Variants in GNAQ observed in about 807,000 individuals in gnomAD.
GNAQ encodes the protein G protein subunit alpha q, also known as guanine nucleotide-binding protein G(q) subunit alpha.
In GNAQ, 8 loss-of-function variants were observed where a neutral mutation model predicts 43.9. That is an observed-to-expected ratio of 0.18 (90% CI 0.11 to 0.33). The LOEUF is 0.33. GNAQ is among the 10% of genes least tolerant of loss of function. The pLI, the probability that GNAQ is intolerant of heterozygous loss-of-function variation, is 1.00. For synonymous variants in GNAQ, 155 were observed against 170.7 expected (o/e 0.91, Z 0.71); for missense variants, 158 against 450.8 (o/e 0.35, Z 5.88).
At chr9:77,819,215 T>C (rs1284299572) in intron 2 of GNAQ, among the ~76,000 whole-genome samples, 1 of 152,148 alleles carries the variant, frequency 6.6e-6, no homozygotes, top group Admixed American at 6.5e-5. Flanking sequence ...GTAGCTACTC[T>C]CAGGAACTCT....
chr9:77,915,063 G>A (rs924847610), intron 2 of GNAQ, among the ~76,000 whole-genome samples: 8 of 152,160 alleles, frequency 5.3e-5, no homozygotes, highest in Non-Finnish European at 1.2e-4. Context: ...CTTTTTTAGA[G>A]TTTCAGAATG....
At chr9:77,956,927 G>A (rs1316452654) in intron 1 of GNAQ, among the ~76,000 whole-genome samples, 1 of 152,190 alleles carries the variant, frequency 6.6e-6, no homozygotes, top group Non-Finnish European at 1.5e-5. Flanking sequence ...ATAGTAATGT[G>A]TCTAGGTGAT....
In GNAQ at chr9:77,728,669, T is replaced by TG. The variant is rs757232284; in HGVS notation, c.736-3dup. The TG allele has an allele frequency of 1.7e-4, 241 of 1,457,866 alleles. No homozygotes were observed. Among genetic ancestry groups the TG allele is most frequent in the Non-Finnish European group, 1.9e-4 (208 of 1,090,880 alleles). 90.3% of individuals were successfully genotyped at this position (1,457,866 alleles called of 1,614,324 possible). On this transcript the variant is annotated splice_polypyrimidine_tract_variant and splice_region_variant and intron_variant, in intron 5 of 6. Transcript: ENST00000286548. ...AGCCTTGCTTTCCTCCATTCGGTTC[T>TG]GGAAAAAAAAAAAAAATCAGAAAAA... is the stretch of plus-strand genomic sequence containing the variant.
chr9:77,888,417 C>G (rs927256021), intron 2 of GNAQ, among the ~76,000 whole-genome samples: 2 of 152,092 alleles, frequency 1.3e-5, no homozygotes, highest in African/African-American at 4.8e-5. Context: ...GAGAAAACAT[C>G]TAAATAGGAA....
At chr9:77,942,273 C>G (rs988211798) in intron 1 of GNAQ, among the ~76,000 whole-genome samples, 4 of 151,940 alleles carry the variant, frequency 2.6e-5, no homozygotes, top group African/African-American at 9.7e-5. Flanking sequence ...CTAAGACCAG[C>G]CTTGTGAAGA....
chr9:77,855,212 G>A (rs1334303508), intron 2 of GNAQ, among the ~76,000 whole-genome samples: 1 of 152,154 alleles, frequency 6.6e-6, no homozygotes, highest in Admixed American at 6.5e-5. Flanking sequence ...GAGGAGACAT[G>A]AAAATTGGTG....
At chr9:77,737,246 A>G (rs561880493) in intron 5 of GNAQ, among the ~76,000 whole-genome samples, 15 of 152,342 alleles carry the variant, frequency 9.8e-5, no homozygotes, top group African/African-American at 3.6e-4. Context: ...TCTCTGATGT[A>G]ATGTCTGATG....
intron 5 of GNAQ, among the ~76,000 whole-genome samples, chr9:77,759,934 T>C (rs1418314093): frequency 6.8e-6 from 1 of 147,998 alleles, no homozygotes; most frequent in African/African-American, 2.5e-5. Context: ...TTTCTTTTTC[T>C]TTTTTTTTTG....
chr9:77,830,014 A>C (rs1051641453), intron 2 of GNAQ, among the ~76,000 whole-genome samples: 1 of 152,058 alleles, frequency 6.6e-6, no homozygotes. Flanking sequence ...AGTACAGGGC[A>C]CGATCATAGC....
chr9:77,769,127 G>A (rs1452169076), intron 5 of GNAQ, among the ~76,000 whole-genome samples: 1 of 152,174 alleles, frequency 6.6e-6, no homozygotes, highest in Non-Finnish European at 1.5e-5. Flanking sequence ...TCGGCCTGGT[G>A]CGGTGACTGC....
chr9:77,983,738 A>T (rs1823397705), intron 1 of GNAQ, among the ~76,000 whole-genome samples: 1 of 152,116 alleles, frequency 6.6e-6, no homozygotes, highest in African/African-American at 2.4e-5. Flanking sequence ...TCACTAGCAG[A>T]TCTAGTCTTG....
At chr9:77,876,163 G>A (rs1400152385) in intron 2 of GNAQ, among the ~76,000 whole-genome samples, 1 of 152,228 alleles carries the variant, frequency 6.6e-6, no homozygotes, top group East Asian at 1.9e-4. Context: ...AAAAGAACTG[G>A]CACCAGGATT....
rs959753151 is a variant in GNAQ, at chr9:77,895,824, T to G, written c.321+26337A>C. Among the ~76,000 whole-genome samples the G allele has an allele frequency of 5.3e-5, 8 of 152,160 alleles. No homozygotes were observed. The South Asian group carries it at 1.7e-3, about 32-fold the overall frequency. ...AATGGTGAATGGGTCTCATGAGATC[T>G]GACCATTTTAAAAAACAGGAGTTGC... On this transcript the variant is annotated intron_variant, in intron 2 of 6. Coordinates refer to ENST00000286548, the MANE Select transcript of GNAQ (RefSeq NM_002072.5).
At chr9:77,762,536 G>T (rs527475584) in intron 5 of GNAQ, among the ~76,000 whole-genome samples, 1 of 149,050 alleles carries the variant, frequency 6.7e-6, no homozygotes. Context: ...GCCTCTGCCC[G>T]GCCGCCCCTA....
intron 1 of GNAQ, among the ~76,000 whole-genome samples, chr9:77,984,190 G>C (rs1372658246): frequency 1.1e-5 from 1 of 95,174 alleles, no homozygotes. Context: ...TTTTTTTTTT[G>C]AGACAGGGCC....
At chr9:77,853,993 G>C in intron 2 of GNAQ, among the ~76,000 whole-genome samples, 1 of 151,978 alleles carries the variant, frequency 6.6e-6, no homozygotes. Flanking sequence ...TGAGTTAGGG[G>C]CTCAAACTAT....
chr9:77,845,813 A>T (rs189196163), intron 2 of GNAQ, among the ~76,000 whole-genome samples: 1 of 152,360 alleles, frequency 6.6e-6, no homozygotes, highest in Admixed American at 6.5e-5. Flanking sequence ...TGGAGGGTCT[A>T]GCATAGGGAC....
At chr9:77,745,137 C>A (rs2060575) in intron 5 of GNAQ, among the ~76,000 whole-genome samples, 2 of 151,852 alleles carry the variant, frequency 1.3e-5, no homozygotes, top group Non-Finnish European at 2.9e-5. Context: ...TTCAGTTCTG[C>A]GAGAGGCAGG....
At chr9:78,021,882 G>A (rs898160978) in intron 1 of GNAQ, among the ~76,000 whole-genome samples, 2 of 152,254 alleles carry the variant, frequency 1.3e-5, no homozygotes, top group African/African-American at 2.4e-5. Context: ...CCTGAGCCGA[G>A]CAGCGCTGGA....
Sources: allele counts gnomAD v4.1 joint callset (sites outside exome capture counted in the v4.1 genomes callset), GRCh38; gene constraint gnomAD v4.1.1; transcripts MANE v1.5; gene names NCBI Gene and HGNC (gene_info 2026-07-23, HGNC 2026-07-21).